ETS2: variants seen among roughly 807,000 people sequenced by gnomAD.
The protein encoded by ETS2 is ETS proto-oncogene 2, transcription factor.
Under a neutral mutation model 54.9 loss-of-function variants are expected in ETS2, and 19 were observed. The observed-to-expected ratio is 0.35, with a 90% CI of 0.24 to 0.51. The LOEUF is 0.51. Among genes scored for constraint, ETS2 ranks in the 20% least tolerant of loss-of-function variants. ETS2 has a pLI of 0.97. For synonymous variants in ETS2, 219 were observed against 229.3 expected (o/e 0.95, Z 0.41); for missense variants, 417 against 593.0 (o/e 0.70, Z 3.08).
chr21:38,816,448 C>A (rs1231388603), intron 5 of ETS2, among the ~76,000 whole-genome samples: 2 of 152,066 alleles, frequency 1.3e-5, no homozygotes, highest in East Asian at 3.9e-4. Context: ...TTTGGGTTTC[C>A]GGGTGGACGT....
Position 38,806,135 on chromosome 21 carries a change from C to A in ETS2, c.-1+15C>A. ...GCAGCGGCAGGGTAAGAGCTGGGCCCGCAGAGAGCGCCCGGCGCGCGGCTC... is the reference window on the plus strand; with the variant it reads ...GCAGCGGCAGGGTAAGAGCTGGGCCAGCAGAGAGCGCCCGGCGCGCGGCTC... On this transcript the variant is annotated intron_variant, in intron 1 of 9. Coordinates refer to ENST00000360938, the MANE Select transcript of ETS2 (RefSeq NM_005239.6). This position sits in a 1 kb window ranked among gnomAD's most constrained non-coding sequence, Gnocchi z 4.3. The A allele has an allele frequency of 9.9e-7, 1 of 1,012,924 alleles. No individual in the cohort carries two copies. Among genetic ancestry groups the A allele is most frequent in the African/African-American group, 1.7e-5 (1 of 57,162 alleles). The allele number at this position is 1,012,924 out of a possible 1,614,324, so 62.7% of individuals were successfully genotyped here.
chr21:38,805,549 C>T (rs753488097), upstream of ETS2: 14 of 1,285,196 alleles, frequency 1.1e-5, no homozygotes, highest in South Asian at 1.6e-4. This position sits in a 1 kb window ranked among gnomAD's most constrained non-coding sequence, Gnocchi z 5.2. Flanking sequence ...GGCCGAGGCC[C>T]TGCTCCCGGG....
At position 38,823,890 on chromosome 21, in the gene ETS2, A is replaced by G. The variant is rs897451604; in HGVS notation, c.*1001A>G. ...TTTTTAGTTTAACTGTGTTTCTCCG[A>G]CAGCTCACCTCTCTCTGACCACCCA... On this transcript the variant is annotated 3_prime_UTR_variant, in exon 10 of 10. Transcript: ENST00000360938. The G allele has an allele frequency of 6.6e-6, 1 of 152,530 alleles. No homozygotes were observed. The highest frequency in any genetic ancestry group is 1.5e-5 in the Non-Finnish European group (1 of 68,024). The allele number at this position is 152,530 out of a possible 1,614,324, so 9.4% of individuals were successfully genotyped here. A position where few individuals can be genotyped will look rare whatever the true frequency, so the allele number is the denominator to read the frequency against.
rs951984797 is a variant in ETS2 at position 38,821,629 on chromosome 21, A to G, written c.1119A>G (p.Leu373=). 1.2e-6 allele frequency: 2 copies of G among 1,614,184 alleles called. No homozygotes were observed. Among genetic ancestry groups the G allele is most frequent in the East Asian group, 2.2e-5 (1 of 44,876 alleles). ...TGTGGCAGTTTCTCCTGGAGCTGCT[A>G]TCAGACAAATCCTGCCAGTCATTCA... ...IQLWQFLLEL[L]SDKSCQSFIS... is the part of the protein sequence containing the mutation. Residue 373 remains leucine, a synonymous_variant, in exon 9 of 10, where the codon CTA becomes CTG. Transcript: ENST00000360938. The surrounding 1 kb of genome is among the most constrained non-coding windows in gnomAD (Gnocchi z 4.2).
intron 2 of ETS2, among the ~76,000 whole-genome samples, chr21:38,812,428 A>C (rs1221848507): frequency 6.6e-6 from 1 of 152,230 alleles, no homozygotes; most frequent in Non-Finnish European, 1.5e-5. Context: ...TATTAACTTA[A>C]GTGGATTAGG....
At chr21:38,809,933 T>A (rs563325856) in intron 1 of ETS2, 102 bp from the exon 2 acceptor site, 2 of 690,742 alleles carry the variant, frequency 2.9e-6, no homozygotes, top group East Asian at 6.5e-5. Context: ...GAATTACCTG[T>A]TAGCTGTAGA....
chr21:38,821,831 A>G lies in ETS2; in HGVS notation c.1194+127A>G. ...TGCTGAGAATCTTTCCACGTGAGGC[A>G]TCCTTGGCTGTTGGGAAAATGGAAG... On this transcript the variant is annotated intron_variant, in intron 9 of 9. Coordinates refer to ENST00000360938, the MANE Select transcript of ETS2 (RefSeq NM_005239.6). This position sits in a 1 kb window ranked among gnomAD's most constrained non-coding sequence, Gnocchi z 4.2. 1.4e-6 allele frequency: 1 copy of G among 696,572 alleles called. No individual in the cohort carries two copies. Among genetic ancestry groups the G allele is most frequent in the Non-Finnish European group, 2.6e-6 (1 of 391,894 alleles). 43.1% of individuals were successfully genotyped at this position (696,572 alleles called of 1,614,324 possible).
chr21:38,818,434 C>G lies in ETS2; in HGVS notation c.599C>G (p.Thr200Arg), dbSNP rs2060943749. ...GATTGTTCTGTTCCAGGTTTTGGCA[C>G]AGAGCAGGCGCCCTATGGAATGCAG... ...WINSNTLGFG[T>R]EQAPYGMQTQ... The change falls in exon 7 of 10, where the codon ACA becomes AGA. Residue 200 changes from threonine (T) to arginine (R), a missense_variant. By Grantham distance (71) the Thr-to-Arg change is moderately conservative. Coordinates refer to ENST00000360938, the MANE Select transcript of ETS2 (RefSeq NM_005239.6). The G allele has an allele frequency of 6.2e-7, 1 of 1,614,106 alleles. No individual in the cohort carries two copies. The highest frequency in any genetic ancestry group is 8.5e-7 in the Non-Finnish European group (1 of 1,180,026).
Position 38,806,470 on chromosome 21 carries a change from G to C in ETS2, c.-1+350G>C. 1 of 985,578 alleles carries C rather than the reference G, an allele frequency of 1.0e-6. No homozygotes were observed. Among genetic ancestry groups the C allele is most frequent in the Non-Finnish European group, 1.2e-6 (1 of 830,046 alleles). The allele number at this position is 985,578 out of a possible 1,614,324, so 61.1% of individuals were successfully genotyped here. A position where few individuals can be genotyped will look rare whatever the true frequency, so the allele number is the denominator to read the frequency against. On this transcript the variant is annotated intron_variant, in intron 1 of 9. Transcript: ENST00000360938. This position sits in a 1 kb window ranked among gnomAD's most constrained non-coding sequence, Gnocchi z 4.3. ...TAAAAGGAAACGCAGGCCTGGTAGG[G>C]GGTCCTGCCCAGTGGATGTCCCGGC...
rs1431450255 is a variant in ETS2, at chr21:38,822,914, G to A, written c.*25G>A. ...AGGTCGCCGGGACCACCCTGAGCCG[G>A]CCCCAGGCTCGTGGACTGAGTGGGA... is the stretch of plus-strand genomic sequence containing the variant. On this transcript the variant is annotated 3_prime_UTR_variant, in exon 10 of 10. Transcript: ENST00000360938. 2 of 1,524,538 alleles carry A rather than the reference G, an allele frequency of 1.3e-6. No homozygotes were observed. The highest frequency in any genetic ancestry group is 1.8e-6 in the Non-Finnish European group (2 of 1,133,946). 94.4% of individuals were successfully genotyped at this position (1,524,538 alleles called of 1,614,324 possible). A position where few individuals can be genotyped will look rare whatever the true frequency, so the allele number is the denominator to read the frequency against.
intron 6 of ETS2, among the ~76,000 whole-genome samples, chr21:38,818,117 C>T (rs997152607): frequency 4.6e-5 from 7 of 152,156 alleles, no homozygotes; most frequent in Admixed American, 2.6e-4. Flanking sequence ...TTACTCTCCT[C>T]GGAAGCTAAA....
intron 8 of ETS2, among the ~76,000 whole-genome samples, chr21:38,820,552 T>C (rs2060953926): frequency 6.6e-6 from 1 of 152,208 alleles, no homozygotes; most frequent in Admixed American, 6.5e-5. Context: ...AGCCATAACG[T>C]TAGTGTGGTT....
At chr21:38,817,542 A>G (rs545318194) in intron 6 of ETS2, among the ~76,000 whole-genome samples, 2 of 152,378 alleles carry the variant, frequency 1.3e-5, no homozygotes, top group East Asian at 3.9e-4. Context: ...AGCAAGGAGC[A>G]GAACGAAGTG....
rs147035130 is a variant in ETS2, at chr21:38,823,419, T to A, written c.*530T>A. Reference sequence around the variant, plus strand: ...TTTAACAGAAATTGTATATTGTAATTTAAAATAATTATATAACTGTATTTG... The same window carrying A: ...TTTAACAGAAATTGTATATTGTAATATAAAATAATTATATAACTGTATTTG... On this transcript the variant is annotated 3_prime_UTR_variant, in exon 10 of 10. Coordinates refer to ENST00000360938, the MANE Select transcript of ETS2 (RefSeq NM_005239.6). 2 of 152,786 alleles carry A rather than the reference T, an allele frequency of 1.3e-5. No homozygotes were observed. The highest frequency in any genetic ancestry group is 4.8e-5 in the African/African-American group (2 of 41,592). The allele number at this position is 152,786 out of a possible 1,614,324, so 9.5% of individuals were successfully genotyped here. A position where few individuals can be genotyped will look rare whatever the true frequency, so the allele number is the denominator to read the frequency against.
At position 38,814,422 on chromosome 21, in the gene ETS2, G is replaced by A; in HGVS notation, c.304+30G>A. On this transcript the variant is annotated intron_variant, in intron 4 of 9. Coordinates refer to ENST00000360938, the MANE Select transcript of ETS2 (RefSeq NM_005239.6). The surrounding 1 kb of genome is among the most constrained non-coding windows in gnomAD (Gnocchi z 4.2). ...GTACTGCTTTCCTGAGCCTGCACTG[G>A]GTGAGAAGAACCAACTTCAGTGCAG... 1.2e-6 allele frequency: 2 copies of A among 1,611,352 alleles called. No homozygotes were observed. The highest frequency in any genetic ancestry group is 1.7e-6 in the Non-Finnish European group (2 of 1,178,968).
intron 8 of ETS2, 137 bp downstream of exon 8, chr21:38,819,903 G>A: frequency 1.2e-6 from 1 of 825,104 alleles, no homozygotes; most frequent in South Asian, 1.8e-5. Context: ...CATGTTTTAT[G>A]CGTGGCTTGC....
intron 8 of ETS2, among the ~76,000 whole-genome samples, chr21:38,820,587 T>C (rs1457254760): frequency 1.3e-5 from 2 of 152,234 alleles, no homozygotes; most frequent in African/African-American, 4.8e-5. Context: ...CATAAGTTTC[T>C]GTTTATTGAC....
chr21:38,811,237 G>A (rs1455796514), intron 2 of ETS2, among the ~76,000 whole-genome samples: 2 of 152,016 alleles, frequency 1.3e-5, no homozygotes, highest in Non-Finnish European at 1.5e-5. Context: ...TTAGTCACCT[G>A]GGCAATGCTT....
chr21:38,806,301 C>T lies in ETS2; in HGVS notation c.-1+181C>T. The stretch of plus-strand genomic sequence containing the variant: ...AGGGGCGCGCGTCTGAGTTCCGCGC[C>T]GGCTCGTTTTCCGGTTATGGAGTGG... On this transcript the variant is annotated intron_variant, in intron 1 of 9. Coordinates refer to ENST00000360938, the MANE Select transcript of ETS2 (RefSeq NM_005239.6). This position sits in a 1 kb window ranked among gnomAD's most constrained non-coding sequence, Gnocchi z 4.3. 2 of 946,820 alleles carry T rather than the reference C, an allele frequency of 2.1e-6. No homozygotes were observed. The highest frequency in any genetic ancestry group is 2.5e-6 in the Non-Finnish European group (2 of 794,832). 58.7% of individuals were successfully genotyped at this position (946,820 alleles called of 1,614,324 possible). A position where few individuals can be genotyped will look rare whatever the true frequency, so the allele number is the denominator to read the frequency against.
Sources: gnomAD v4.1 joint callset for allele counts (sites outside exome capture counted in the v4.1 genomes callset) on GRCh38, gnomAD v4.1.1 for gene constraint, Gnocchi (gnomAD v3.1) non-coding constraint, MANE v1.5 for transcripts, NCBI Gene and HGNC (gene_info 2026-07-23, HGNC 2026-07-21) for gene names.